Variants in TMEM40 observed in about 807,000 individuals in gnomAD.
TMEM40 encodes transmembrane protein 40.
Under a neutral mutation model 40.8 loss-of-function variants are expected in TMEM40, and 34 were observed. The observed-to-expected ratio is 0.83, with a 90% confidence interval of 0.63 to 1.11. TMEM40 has a LOEUF of 1.11. Among genes scored for constraint, TMEM40 ranks in the 50% least tolerant of loss-of-function variants. TMEM40 has a pLI of 0.00. For synonymous variants in TMEM40, 106 were observed against 107.0 expected, an observed-to-expected ratio of 0.99 and a Z score of 0.06; for missense variants, 296 against 280.2, an observed-to-expected ratio of 1.06 and a Z score of -0.40.
chr3:12,769,300 G>A (rs1215080108), exon 1 of TMEM40: 2 of 406,334 alleles, frequency 4.9e-6, no homozygotes, highest in East Asian at 1.7e-4. Context: ...TCCCAGGAAG[G>A]GACTCCCACA....
intron 3 of TMEM40, among the ~76,000 whole-genome samples, chr3:12,746,666 C>T (rs191304979): frequency 2.0e-3 from 308 of 152,234 alleles, no homozygotes; most frequent in Admixed American, 4.4e-3. Context: ...GGTCAGTCAC[C>T]GTAGGATCAG....
chr3:12,754,290 C>G (rs530000888), intron 1 of TMEM40, among the ~76,000 whole-genome samples: 1 of 151,900 alleles, frequency 6.6e-6, no homozygotes, highest in Non-Finnish European at 1.5e-5. Context: ...CCAGCCTGGG[C>G]GACAGAGCAC....
intron 1 of TMEM40, among the ~76,000 whole-genome samples, chr3:12,765,432 C>T (rs2061589901): frequency 6.6e-6 from 1 of 151,882 alleles, no homozygotes; most frequent in South Asian, 2.1e-4. Context: ...CCCAGGGGTG[C>T]CAGAGAACCC....
intron 1 of TMEM40, among the ~76,000 whole-genome samples, chr3:12,768,913 G>GT: frequency 6.2e-5 from 2 of 32,292 alleles, no homozygotes; most frequent in African/African-American, 2.8e-4. Context: ...AGGGCGGGCC[G>GT]GGGCCGGGGC....
intron 1 of TMEM40, among the ~76,000 whole-genome samples, chr3:12,755,863 G>C (rs1351433352): frequency 6.6e-6 from 1 of 152,130 alleles, no homozygotes; most frequent in African/African-American, 2.4e-5. Context: ...GTTAATTTGA[G>C]GCTCAAATGA....
At chr3:12,755,229 CTCTCTCTTTCTTTCTTTCTTTCTT>C (rs2061515120) in intron 1 of TMEM40, among the ~76,000 whole-genome samples, 3 of 65,504 alleles carry the variant, frequency 4.6e-5, no homozygotes, top group Non-Finnish European at 1.0e-4. Context: ...CTCTCTCTCT[CTCTCTCTTTCTTTCTTTCTTTCTT>C]TCTTTCTTTC....
chr3:12,760,155 TC>T (rs1240503071), upstream of TMEM40, among the ~76,000 whole-genome samples: 1 of 152,070 alleles, frequency 6.6e-6, no homozygotes, highest in Non-Finnish European at 1.5e-5. Context: ...TTCTCTCCAC[TC>T]CTCAACTGTC....
chr3:12,744,904 C>T (rs976261184), intron 3 of TMEM40, among the ~76,000 whole-genome samples: 2 of 152,084 alleles, frequency 1.3e-5, no homozygotes, highest in African/African-American at 4.8e-5. Context: ...AAAATAACAA[C>T]GGTGGTGTTT....
intron 3 of TMEM40, among the ~76,000 whole-genome samples, chr3:12,746,617 G>C (rs2061430922): frequency 6.6e-6 from 1 of 152,180 alleles, no homozygotes; most frequent in Non-Finnish European, 1.5e-5. Context: ...GCGGGTCACT[G>C]TCCGCGCCTG....
upstream of TMEM40, among the ~76,000 whole-genome samples, chr3:12,761,790 G>A (rs1171074080): frequency 6.6e-6 from 1 of 152,010 alleles, no homozygotes; most frequent in Non-Finnish European, 1.5e-5. Context: ...AGCCACATGC[G>A]GTTATGGAGC....
intron 1 of TMEM40, among the ~76,000 whole-genome samples, chr3:12,768,955 G>A (rs1220271710): frequency 2.1e-5 from 3 of 146,076 alleles, no homozygotes; most frequent in African/African-American, 5.0e-5. Flanking sequence ...GGGGGGGCGG[G>A]GGGGCGCGGC....
At chr3:12,735,480 T>G in intron 11 of TMEM40, 75 bp downstream of exon 11, 1 of 1,468,460 alleles carries the variant, frequency 6.8e-7, no homozygotes, top group Non-Finnish European at 9.5e-7. Flanking sequence ...TTCTTTCCTG[T>G]ATGCTAAGCC....
At chr3:12,743,305 T>C (rs2061397484) in intron 4 of TMEM40, among the ~76,000 whole-genome samples, 1 of 152,030 alleles carries the variant, frequency 6.6e-6, no homozygotes, top group Non-Finnish European at 1.5e-5. Context: ...CTGTCTCTAC[T>C]AAAAATACAA....
At chr3:12,754,598 G>A (rs145124872) in intron 1 of TMEM40, among the ~76,000 whole-genome samples, 1 of 152,308 alleles carries the variant, frequency 6.6e-6, no homozygotes, top group African/African-American at 2.4e-5. Context: ...CAGAGTCTAC[G>A]GTGAAGAAGG....
intron 11 of TMEM40, 42 bp from the exon 12 acceptor site, chr3:12,734,835 C>T (rs2036998756): frequency 1.3e-6 from 2 of 1,583,638 alleles, no homozygotes; most frequent in Non-Finnish European, 1.7e-6. Flanking sequence ...ATTCTGAAGG[C>T]AGCCAGGCTT....
upstream of TMEM40, among the ~76,000 whole-genome samples, chr3:12,760,532 G>A (rs9869933): frequency 4.0e-5 from 6 of 151,540 alleles, no homozygotes; most frequent in South Asian, 4.2e-4. Context: ...CTGGCCCCCC[G>A]CTCACTTCAG....
At chr3:12,768,640 C>G (rs545815528) in intron 1 of TMEM40, among the ~76,000 whole-genome samples, 3 of 152,014 alleles carry the variant, frequency 2.0e-5, no homozygotes, top group South Asian at 4.2e-4. Flanking sequence ...GAGCTAGATA[C>G]AGAGTGCTGA....
At chr3:12,754,731 G>A (rs74440955) in intron 1 of TMEM40, among the ~76,000 whole-genome samples, 95 of 152,280 alleles carry the variant, frequency 6.2e-4, no homozygotes, top group Non-Finnish European at 1.2e-3. Flanking sequence ...CTACACCCAA[G>A]AGAAGTGGCT....
chr3:12,736,736 G>C, intron 9 of TMEM40, 28 bp downstream of exon 9: 1 of 1,613,772 alleles, frequency 6.2e-7, no homozygotes, highest in Non-Finnish European at 8.5e-7. Flanking sequence ...CATCCCCCTT[G>C]TGCATTCCCC....
Sources: gnomAD v4.1 joint callset for allele counts (sites outside exome capture counted in the v4.1 genomes callset) on GRCh38, gnomAD v4.1.1 for gene constraint, MANE v1.5 for transcripts, NCBI Gene and HGNC (gene_info 2026-07-23, HGNC 2026-07-21) for gene names.